KLF6: variants seen among roughly 807,000 people sequenced by gnomAD.
KLF6 encodes KLF transcription factor 6.
For missense variants in KLF6, 233 were observed against 359.8 expected (o/e 0.65, Z 2.85); for synonymous variants, 152 against 147.9 (o/e 1.03, Z -0.20).
chr10:3,785,182 C>A lies in KLF6; in HGVS notation c.-168G>T. 7.2e-7 allele frequency: 1 copy of A among 1,395,392 alleles called. No individual in the cohort carries two copies. The highest frequency in any genetic ancestry group is 9.8e-7 in the Non-Finnish European group (1 of 1,020,814). The allele number at this position is 1,395,392 out of a possible 1,614,324, so 86.4% of individuals were successfully genotyped here. A position where few individuals can be genotyped will look rare whatever the true frequency, so the allele number is the denominator to read the frequency against. On this transcript the variant is annotated 5_prime_UTR_variant, in exon 1 of 4. Transcript: ENST00000497571. The stretch of plus-strand genomic sequence containing the variant: ...CAGCCCGCAGCGCGCGGAGCCCACA[C>A]AATATTTGCAAACACCGGACTGACT...
chr10:3,781,350 A>C lies in KLF6; in HGVS notation c.676+291T>G. ...GGGGCAGTGGCCTCGGATCCCCAGC[A>C]CTACTAAGGGGTGGGGGGTGGAGGT... is the stretch of plus-strand genomic sequence containing the variant. On this transcript the variant is annotated intron_variant, in intron 2 of 3. Coordinates refer to ENST00000497571, the MANE Select transcript of KLF6 (RefSeq NM_001300.6). This position sits in a 1 kb window ranked among gnomAD's most constrained non-coding sequence, Gnocchi z 5.8. 1 of 1,330,058 alleles carries C rather than the reference A, an allele frequency of 7.5e-7. No individual in the cohort carries two copies. The highest frequency in any genetic ancestry group is 1.0e-6 in the Non-Finnish European group (1 of 1,001,704). 82.4% of individuals were successfully genotyped at this position (1,330,058 alleles called of 1,614,324 possible). A position where few individuals can be genotyped will look rare whatever the true frequency, so the allele number is the denominator to read the frequency against.
chr10:3,783,891 G>A (rs1484653155), intron 1 of KLF6, among the ~76,000 whole-genome samples: 1 of 152,046 alleles, frequency 6.6e-6, no homozygotes, highest in Non-Finnish European at 1.5e-5. Flanking sequence ...TTTCAATCAC[G>A]TCCTAGGGAG....
chr10:3,781,368 G>A lies in KLF6; in HGVS notation c.676+273C>T, dbSNP rs1290450656. 2 of 1,427,426 alleles carry A rather than the reference G, an allele frequency of 1.4e-6. No homozygotes were observed. The highest frequency in any genetic ancestry group is 2.4e-5 in the Admixed American group (1 of 40,996). 88.4% of individuals were successfully genotyped at this position (1,427,426 alleles called of 1,614,324 possible). On this transcript the variant is annotated intron_variant, in intron 2 of 3. Coordinates refer to ENST00000497571, the MANE Select transcript of KLF6 (RefSeq NM_001300.6). This position sits in a 1 kb window ranked among gnomAD's most constrained non-coding sequence, Gnocchi z 5.8. ...CCCCAGCACTACTAAGGGGTGGGGG[G>A]TGGAGGTTTGGGTGTCCGTGGAGAA...
At position 3,778,723 on chromosome 10, in the gene KLF6, C is replaced by T; in HGVS notation, c.*816G>A. On this transcript the variant is annotated 3_prime_UTR_variant, in exon 4 of 4. Coordinates refer to ENST00000497571, the MANE Select transcript of KLF6 (RefSeq NM_001300.6). Reference sequence around the variant, plus strand: ...CATTAACTGGAATCAGTATTGCAGTCCTGACTTAAAAATGGAAAAGCATAT... The same window carrying T: ...CATTAACTGGAATCAGTATTGCAGTTCTGACTTAAAAATGGAAAAGCATAT... 1 of 529,152 alleles carries T rather than the reference C, an allele frequency of 1.9e-6. No individual in the cohort carries two copies. The allele number at this position is 529,152 out of a possible 1,614,324, so 32.8% of individuals were successfully genotyped here.
Position 3,782,716 on chromosome 10 carries a change from C to A in KLF6, c.103-502G>T, listed in dbSNP as rs998085997. Among the ~76,000 whole-genome samples the A allele has an allele frequency of 6.6e-6, 1 of 152,216 alleles. No homozygotes were observed. Among genetic ancestry groups the A allele is most frequent in the Non-Finnish European group, 1.5e-5 (1 of 68,038 alleles). ...CGGCACACAGCGTGTTCTGAGGGACCCCCTTGGGGACACGGCTGACAACAC... is the reference window on the plus strand; with the variant it reads ...CGGCACACAGCGTGTTCTGAGGGACACCCTTGGGGACACGGCTGACAACAC... On this transcript the variant is annotated intron_variant, in intron 1 of 3. Transcript: ENST00000497571. This position sits in a 1 kb window ranked among gnomAD's most constrained non-coding sequence, Gnocchi z 4.3.
rs1354386472 is a variant in KLF6 at position 3,780,937 on chromosome 10, G to A, written c.676+704C>T. Reference sequence around the variant, plus strand: ...GTCTGGGACTGACTCTCAGCAATTTGCTCTCCTACTGATAAGAGAAGAGCC... The same window carrying A: ...GTCTGGGACTGACTCTCAGCAATTTACTCTCCTACTGATAAGAGAAGAGCC... On this transcript the variant is annotated intron_variant, in intron 2 of 3. Coordinates refer to ENST00000497571, the MANE Select transcript of KLF6 (RefSeq NM_001300.6). This position sits in a 1 kb window ranked among gnomAD's most constrained non-coding sequence, Gnocchi z 4.6. 6.7e-6 allele frequency: 1 copy of A among 150,260 alleles called. No homozygotes were observed. Among genetic ancestry groups the A allele is most frequent in the East Asian group, 2.1e-4 (1 of 4,858 alleles). 9.3% of individuals were successfully genotyped at this position (150,260 alleles called of 1,614,324 possible).
rs1449391058 is a variant in KLF6 at position 3,782,344 on chromosome 10, C to T, written c.103-130G>A. 5.3e-6 allele frequency: 4 copies of T among 749,862 alleles called. No individual in the cohort carries two copies. Among genetic ancestry groups the T allele is most frequent in the Non-Finnish European group, 9.3e-6 (4 of 430,766 alleles). The allele number at this position is 749,862 out of a possible 1,614,324, so 46.5% of individuals were successfully genotyped here. On this transcript the variant is annotated intron_variant, in intron 1 of 3. Coordinates refer to ENST00000497571, the MANE Select transcript of KLF6 (RefSeq NM_001300.6). This position sits in a 1 kb window ranked among gnomAD's most constrained non-coding sequence, Gnocchi z 4.3. ...CTGCCCGGTCACTACAGGGGCAAAA[C>T]CTTTTGTAATTAAGCATCCGTGTCC...
In KLF6 at chr10:3,780,632, T is replaced by A. The variant is rs571720669; in HGVS notation, c.677-403A>T. 2 of 334,712 alleles carry A rather than the reference T, an allele frequency of 6.0e-6. No homozygotes were observed. Among genetic ancestry groups the A allele is most frequent in the South Asian group, 4.9e-5 (2 of 40,618 alleles). 20.7% of individuals were successfully genotyped at this position (334,712 alleles called of 1,614,324 possible). On this transcript the variant is annotated intron_variant, in intron 2 of 3. Coordinates refer to ENST00000497571, the MANE Select transcript of KLF6 (RefSeq NM_001300.6). This position sits in a 1 kb window ranked among gnomAD's most constrained non-coding sequence, Gnocchi z 4.6. ...CTTCTGTTCCATCCTCACTTCCCTATGGAATGTGCCTCTGCAGTTTCCTCA... is the reference window on the plus strand; with the variant it reads ...CTTCTGTTCCATCCTCACTTCCCTAAGGAATGTGCCTCTGCAGTTTCCTCA...
intron 3 of KLF6, 29 bp from the exon 4 acceptor site, chr10:3,779,619 A>T (rs769448036): frequency 1.2e-6 from 2 of 1,610,728 alleles, no homozygotes; most frequent in African/African-American, 1.3e-5. Flanking sequence ...AGCACAGAAG[A>T]AGTTAGGTTC....
At position 3,780,396 on chromosome 10, in the gene KLF6, T is replaced by G; in HGVS notation, c.677-167A>C. ...AGCCTCAGAGAGACAACAGCAGCTC[T>G]CTCCTGACCCAGTCTCAGGCCTCCC... On this transcript the variant is annotated intron_variant, in intron 2 of 3. Transcript: ENST00000497571. The surrounding 1 kb of genome is among the most constrained non-coding windows in gnomAD (Gnocchi z 4.6). 2.6e-6 allele frequency: 2 copies of G among 769,020 alleles called. No homozygotes were observed. The highest frequency in any genetic ancestry group is 1.5e-5 in the South Asian group (1 of 68,774). The allele number at this position is 769,020 out of a possible 1,614,324, so 47.6% of individuals were successfully genotyped here.
rs887597357 is a variant in KLF6 at position 3,778,241 on chromosome 10, C to T, written c.*1298G>A. ...ACAAGAGCCTTAATAAAGCATGCAT[C>T]GCCCACACCCCTGTATGAGACCCCC... On this transcript the variant is annotated 3_prime_UTR_variant, in exon 4 of 4. Coordinates refer to ENST00000497571, the MANE Select transcript of KLF6 (RefSeq NM_001300.6). 1.9e-5 allele frequency: 10 copies of T among 526,630 alleles called. No individual in the cohort carries two copies. Among genetic ancestry groups the T allele is most frequent in the East Asian group, 8.1e-5 (2 of 24,800 alleles). 32.6% of individuals were successfully genotyped at this position (526,630 alleles called of 1,614,324 possible). A position where few individuals can be genotyped will look rare whatever the true frequency, so the allele number is the denominator to read the frequency against.
At chr10:3,783,380 A>G (rs993188105) in intron 1 of KLF6, 4 of 152,246 alleles carry the variant, frequency 2.6e-5, no homozygotes, top group Non-Finnish European at 5.9e-5. Context: ...AAGGTTGTCT[A>G]TACTACTGGC....
Position 3,777,075 on chromosome 10 carries a change from C to T in KLF6, c.*2464G>A. On this transcript the variant is annotated 3_prime_UTR_variant, in exon 4 of 4. Transcript: ENST00000497571. ...ACTGCCAAAAGAAAACTGCACTTCC[C>T]CTCTTAAGTAAAACGAAATGAGTTT... is the stretch of plus-strand genomic sequence containing the variant. 1 of 516,570 alleles carries T rather than the reference C, an allele frequency of 1.9e-6. No homozygotes were observed. The highest frequency in any genetic ancestry group is 1.5e-5 in the South Asian group (1 of 65,036). 32.0% of individuals were successfully genotyped at this position (516,570 alleles called of 1,614,324 possible). A position where few individuals can be genotyped will look rare whatever the true frequency, so the allele number is the denominator to read the frequency against.
intron 3 of KLF6, among the ~76,000 whole-genome samples, 197 bp downstream of exon 3, chr10:3,779,909 A>T (rs1317310323): frequency 6.6e-6 from 1 of 152,276 alleles, no homozygotes; most frequent in African/African-American, 2.4e-5. Flanking sequence ...TGTCAGGTGT[A>T]TGTGGAACAG....
rs1339111574 is a variant in KLF6 at position 3,776,988 on chromosome 10, A to G, written c.*2551T>C. ...TTGCTTAATGGAATTGTTATGGCTA[A>G]GCACATAGAAGGCCAAAAAAGGAGT... On this transcript the variant is annotated 3_prime_UTR_variant, in exon 4 of 4. Transcript: ENST00000497571. The G allele has an allele frequency of 5.8e-6, 3 of 518,420 alleles. No individual in the cohort carries two copies. Among genetic ancestry groups the G allele is most frequent in the Non-Finnish European group, 7.5e-6 (2 of 266,568 alleles). The allele number at this position is 518,420 out of a possible 1,614,324, so 32.1% of individuals were successfully genotyped here.
rs755210104 is a variant in KLF6 at position 3,779,457 on chromosome 10, G to A, written c.*82C>T. 7 of 1,220,410 alleles carry A rather than the reference G, an allele frequency of 5.7e-6. No individual in the cohort carries two copies. The highest frequency in any genetic ancestry group is 8.5e-6 in the Non-Finnish European group (7 of 823,660). The allele number at this position is 1,220,410 out of a possible 1,614,324, so 75.6% of individuals were successfully genotyped here. ...GGTAGGGTGCAGAACGGCATGCTTT[G>A]GCTGGAACACGCATCCCTCCTTCCA... On this transcript the variant is annotated 3_prime_UTR_variant, in exon 4 of 4. Coordinates refer to ENST00000497571, the MANE Select transcript of KLF6 (RefSeq NM_001300.6).
At position 3,785,142 on chromosome 10, in the gene KLF6, G is replaced by A. The variant is rs1287925283; in HGVS notation, c.-128C>T. ...AAACTCCAGGCTCGCAGAGACGCCC[G>A]GCCGGACCCTCCCGCAGCCCGCAGC... On this transcript the variant is annotated 5_prime_UTR_variant, in exon 1 of 4. Transcript: ENST00000497571. The A allele has an allele frequency of 5.2e-6, 8 of 1,529,870 alleles. No homozygotes were observed. Among genetic ancestry groups the A allele is most frequent in the Non-Finnish European group, 7.0e-6 (8 of 1,136,154 alleles). 94.8% of individuals were successfully genotyped at this position (1,529,870 alleles called of 1,614,324 possible).
rs769923627 is a variant in KLF6 at position 3,779,027 on chromosome 10, GTTTTTGTT to G, written c.*504_*511del. ...CCTCCAAGATTTTCCTTCTTTTTTT[GTTTTTGTT>G]TTTTTGTTTTTTTGATTTTTCTTTT... On this transcript the variant is annotated 3_prime_UTR_variant, in exon 4 of 4. Transcript: ENST00000497571. 41 of 527,612 alleles carry G rather than the reference GTTTTTGTT, an allele frequency of 7.8e-5. No homozygotes were observed. Among genetic ancestry groups the G allele is most frequent in the Admixed American group, 1.2e-4 (5 of 43,432 alleles). 32.7% of individuals were successfully genotyped at this position (527,612 alleles called of 1,614,324 possible).
chr10:3,781,935 C>G lies in KLF6; in HGVS notation c.382G>C (p.Asp128His), dbSNP rs533788452. Residue 128 changes from aspartate (D) to histidine (H), a missense_variant, in exon 2 of 4, where the codon GAC becomes CAC. Physicochemically the swap from Asp to His is moderately conservative, Grantham distance 81 (BLOSUM62 -1). Transcript: ENST00000497571. The surrounding 1 kb of genome is among the most constrained non-coding windows in gnomAD (Gnocchi z 5.8). ...CTGACCAAAACTTCGCCAATGGGGT[C>G]GGAGGTAAACTTGGCCGTGGGAGAA... is the stretch of plus-strand genomic sequence containing the variant. ...ELSPTAKFTS[D>H]PIGEVLVSSG... 1.9e-6 allele frequency: 3 copies of G among 1,614,066 alleles called. No individual in the cohort carries two copies. Among genetic ancestry groups the G allele is most frequent in the Non-Finnish European group, 2.5e-6 (3 of 1,180,048 alleles).
Sources: gnomAD v4.1 joint callset for allele counts (sites outside exome capture counted in the v4.1 genomes callset) on GRCh38, gnomAD v4.1.1 for gene constraint, Gnocchi (gnomAD v3.1) non-coding constraint, MANE v1.5 for transcripts, NCBI Gene and HGNC (gene_info 2026-07-23, HGNC 2026-07-21) for gene names.